Variants in TNR observed in about 807,000 individuals in gnomAD.
TNR encodes the protein tenascin R, also known as tenascin-R.
TNR carries 45 observed loss-of-function variants against 150.4 expected under a neutral mutation model. The ratio of observed to expected loss-of-function variants is 0.30; its 90% CI spans 0.24 to 0.38. The LOEUF is 0.38. Among genes scored for constraint, TNR ranks in the 10% least tolerant of loss-of-function variants. The pLI is 1.00. For missense variants in TNR, 1,544 were observed against 1,759.1 expected (o/e 0.88, Z 2.19); for synonymous variants, 687 against 678.4 (o/e 1.01, Z -0.20).
At chr1:175,673,836 C>A (rs1001134392) in intron 1 of TNR, among the ~76,000 whole-genome samples, 1 of 152,204 alleles carries the variant, frequency 6.6e-6, no homozygotes, top group African/African-American at 2.4e-5. Context: ...TAGTTATTAC[C>A]GGTCGACAGA....
intron 1 of TNR, among the ~76,000 whole-genome samples, chr1:175,639,136 T>C (rs974071446): frequency 2.6e-5 from 4 of 152,280 alleles, no homozygotes; most frequent in African/African-American, 9.6e-5. Context: ...CTCATTATAG[T>C]CTATATTCTA....
At chr1:175,546,279 G>C (rs141427307) in intron 1 of TNR, among the ~76,000 whole-genome samples, 468 of 152,286 alleles carry the variant, frequency 3.1e-3, no homozygotes, top group African/African-American at 0.011. Flanking sequence ...AGTTACCCAG[G>C]GTAATGGGCA....
rs79805601 is a variant in TNR, at chr1:175,391,454, A to G, written c.1357-16T>C. 4.7e-4 allele frequency: 756 copies of G among 1,611,670 alleles called. 2 individuals are homozygous for G. The African/African-American group carries it at 8.6e-3, about 18-fold the overall frequency. On this transcript the variant is annotated splice_polypyrimidine_tract_variant and intron_variant, in intron 6 of 22. Coordinates refer to ENST00000367674, the MANE Select transcript of TNR (RefSeq NM_003285.3). ...CTTCATTGTTCTGGACAGTGGGGAG[A>G]AGCAGAGAGCAAAAGAGAAAAGTCA... is the stretch of plus-strand genomic sequence containing the variant.
At chr1:175,497,074 T>C (rs889620546) in intron 2 of TNR, among the ~76,000 whole-genome samples, 4 of 152,256 alleles carry the variant, frequency 2.6e-5, no homozygotes, top group African/African-American at 9.6e-5. Context: ...TTTCTGATTT[T>C]CTTAATTGTG....
At chr1:175,572,810 CTAAAATAAAA>C (rs1031940319) in intron 1 of TNR, among the ~76,000 whole-genome samples, 2 of 151,354 alleles carry the variant, frequency 1.3e-5, no homozygotes, top group African/African-American at 4.9e-5. Context: ...ACATCTTTCT[CTAAAATAAAA>C]TAAAATAAAA....
intron 2 of TNR, among the ~76,000 whole-genome samples, chr1:175,457,340 C>T (rs1656613133): frequency 6.6e-6 from 1 of 152,198 alleles, no homozygotes; most frequent in East Asian, 1.9e-4. Context: ...CGCCCATAGG[C>T]ATTATAAAAG....
rs371810334 is a variant in TNR, at chr1:175,359,700, G to A, written c.2886C>T (p.Thr962=). 5.0e-6 allele frequency: 8 copies of A among 1,613,572 alleles called. No homozygotes were observed. Among genetic ancestry groups the A allele is most frequent in the Non-Finnish European group, 6.8e-6 (8 of 1,179,774 alleles). The change falls in exon 15 of 23, where the codon ACC becomes ACT. Residue 962 remains threonine, a synonymous_variant. Coordinates refer to ENST00000367674, the MANE Select transcript of TNR (RefSeq NM_003285.3). ...GCAGGGCTTCTGTTGGAGTGATATT[G>A]GTAGCAATCAGATCCACAGGGTTGT... ...AMDNPVDLIA[T]NITPTEALLQ...
chr1:175,672,953 C>T (rs927381513), intron 1 of TNR, among the ~76,000 whole-genome samples: 4 of 152,154 alleles, frequency 2.6e-5, no homozygotes, highest in Admixed American at 2.0e-4. Context: ...CTTGGAAATG[C>T]CCTGCCACAG....
intron 14 of TNR, among the ~76,000 whole-genome samples, chr1:175,360,671 T>G (rs547122239): frequency 1.3e-5 from 2 of 152,326 alleles, no homozygotes; most frequent in African/African-American, 4.8e-5. Context: ...TTTTTTCACT[T>G]GCCTATGTCC....
chr1:175,447,688 GTTA>G (rs1336024294), intron 2 of TNR, among the ~76,000 whole-genome samples: 4 of 152,238 alleles, frequency 2.6e-5, no homozygotes, highest in South Asian at 2.1e-4. Flanking sequence ...TGTTGTTGTT[GTTA>G]GTTGCTTTCT....
intron 1 of TNR, among the ~76,000 whole-genome samples, chr1:175,558,268 A>G (rs1661268574): frequency 7.4e-6 from 1 of 134,348 alleles, no homozygotes; most frequent in Non-Finnish European, 1.6e-5. Context: ...AACTTAAAGT[A>G]TAATAATAAA....
At chr1:175,362,562 A>C in intron 14 of TNR, 101 bp downstream of exon 14, 1 of 1,461,506 alleles carries the variant, frequency 6.8e-7, no homozygotes, top group East Asian at 2.3e-5. Flanking sequence ...GAGCACCCCG[A>C]AATGGAGCCT....
chr1:175,564,690 C>T (rs1448821266), intron 1 of TNR, among the ~76,000 whole-genome samples: 3 of 151,978 alleles, frequency 2.0e-5, no homozygotes, highest in Non-Finnish European at 2.9e-5. Context: ...GAGGGGAGGT[C>T]AGCTGGAGAC....
chr1:175,543,769 G>A (rs1173898696), intron 1 of TNR, among the ~76,000 whole-genome samples: 1 of 152,138 alleles, frequency 6.6e-6, no homozygotes, highest in Non-Finnish European at 1.5e-5. Flanking sequence ...TGAAGTAGGG[G>A]CAAGGGGAAT....
chr1:175,362,911 C>A, intron 13 of TNR, 102 bp from the exon 14 acceptor site: 2 of 1,405,998 alleles, frequency 1.4e-6, no homozygotes, highest in South Asian at 2.6e-5. Flanking sequence ...TGTGGGACTC[C>A]GCACTCAGTG....
rs202121347 is a variant in TNR, at chr1:175,379,713, C to T, written c.1802G>A (p.Arg601Gln). The change falls in exon 9 of 23, where the codon CGA becomes CAA. Residue 601 changes from arginine to glutamine, a missense_variant. By Grantham distance (43) the Arg-to-Gln change is conservative. Coordinates refer to ENST00000367674, the MANE Select transcript of TNR (RefSeq NM_003285.3). ...TTEIDAPKNL[R>Q]VGSRTATSLD... Reference sequence around the variant, plus strand: ...GCTGGTTGCTGTGCGAGAACCAACTCGCAAGTTCTTGGGGGCATCGATCTC... The same window carrying T: ...GCTGGTTGCTGTGCGAGAACCAACTTGCAAGTTCTTGGGGGCATCGATCTC... 45 of 1,614,036 alleles carry T rather than the reference C, an allele frequency of 2.8e-5. No homozygotes were observed. The highest frequency in any genetic ancestry group is 8.9e-5 in the East Asian group (4 of 44,900).
chr1:175,597,425 C>T (rs1663052873), intron 1 of TNR, among the ~76,000 whole-genome samples: 1 of 152,202 alleles, frequency 6.6e-6, no homozygotes, highest in African/African-American at 2.4e-5. Flanking sequence ...ATGCCTGGGT[C>T]CTCCCATCTG....
chr1:175,507,644 A>C (rs1284477989), intron 2 of TNR, among the ~76,000 whole-genome samples: 1 of 151,782 alleles, frequency 6.6e-6, no homozygotes, highest in African/African-American at 2.4e-5. Context: ...AACAGTCCTC[A>C]GCCTCACATG....
rs372181851 is a variant in TNR, at chr1:175,324,399, C to T, written c.3914G>A (p.Arg1305Gln). Residue 1305 changes from arginine to glutamine, a missense_variant, in exon 22 of 23, where the codon CGG becomes CAG. Arg to Gln is a conservative substitution (Grantham distance 43). Transcript: ENST00000367674. Reference sequence around the variant, plus strand: ...CCCGTACTTCCCATTGAGGTTGGTCCGGTGGCAGTTCTTATACCACCATGC... The same window carrying T: ...CCCGTACTTCCCATTGAGGTTGGTCTGGTGGCAGTTCTTATACCACCATGC... ...KGAWWYKNCH[R>Q]TNLNGKYGES... 3.2e-5 allele frequency: 52 copies of T among 1,613,976 alleles called. No homozygotes were observed. Among genetic ancestry groups the T allele is most frequent in the Non-Finnish European group, 3.9e-5 (46 of 1,180,022 alleles).
Sources: gnomAD v4.1 joint callset for allele counts (sites outside exome capture counted in the v4.1 genomes callset) on GRCh38, gnomAD v4.1.1 for gene constraint, MANE v1.5 for transcripts, NCBI Gene and HGNC (gene_info 2026-07-23, HGNC 2026-07-21) for gene names.